Variants in NAV2 observed in about 807,000 individuals in gnomAD.
The protein encoded by NAV2 is helicase, APC down-regulated 1.
Under a neutral mutation model 223.2 loss-of-function variants are expected in NAV2, and 54 were observed. The ratio of observed to expected loss-of-function variants is 0.24; its 90% confidence interval spans 0.19 to 0.30. The LOEUF is 0.30. Ranked by LOEUF, NAV2 falls within the 10% of genes least tolerant of loss-of-function variation. The pLI, the probability that NAV2 is intolerant of heterozygous loss-of-function variation, is 1.00. For missense variants in NAV2, 2,806 were observed against 3,147.5 expected (o/e 0.89, Z 2.60); for synonymous variants, 1,279 against 1,239.3 (o/e 1.03, Z -0.67).
rs190119401 is a variant in NAV2, at chr11:19,641,337, T to G, written c.76-191147T>G. On this transcript the variant is annotated intron_variant, in intron 1 of 37. Coordinates refer to the NAV2 transcript ENST00000360655. ...TCATGTCTGCCTACGAAATAAGTCT[T>G]CAACCTATCCATATCCCTCCCCCTC... Among the ~76,000 whole-genome samples, 64 of 152,210 alleles carry G rather than the reference T, an allele frequency of 4.2e-4. 1 individual carries two copies. Among genetic ancestry groups the G allele is most frequent in the Middle Eastern group, 6.8e-3 (2 of 294 alleles).
At chr11:19,405,064 T>C (rs1849836995) in intron 1 of NAV2, among the ~76,000 whole-genome samples, 2 of 152,116 alleles carry the variant, frequency 1.3e-5, no homozygotes, top group Admixed American at 1.3e-4. Context: ...TTGTCCCTGG[T>C]CCGTGGAAGA....
intron 3 of NAV2, among the ~76,000 whole-genome samples, chr11:19,857,233 C>G (rs1187834108): frequency 6.6e-6 from 1 of 152,188 alleles, no homozygotes; most frequent in East Asian, 1.9e-4. Flanking sequence ...TCTGCTACCT[C>G]TTGAAGATTC....
intron 10 of NAV2, among the ~76,000 whole-genome samples, chr11:19,962,818 A>G (rs944847846): frequency 4.6e-5 from 7 of 152,206 alleles, no homozygotes; most frequent in African/African-American, 1.7e-4. Flanking sequence ...AGAGCCTTCT[A>G]CCTATAAATC....
chr11:20,082,743 A>AG, intron 25 of NAV2: 3 of 951,596 alleles, frequency 3.2e-6, no homozygotes, highest in Non-Finnish European at 5.0e-6. Flanking sequence ...CTGCTGAGCC[A>AG]GACTCTGTGT....
chr11:19,687,781 A>G (rs4757839), intron 1 of NAV2, among the ~76,000 whole-genome samples: 1,219 of 8,140 alleles, frequency 0.15, 17 homozygotes, highest in East Asian at 0.45. Context: ...GTGTGTATGC[A>G]TGCGTGTGTG....
intron 1 of NAV2, among the ~76,000 whole-genome samples, chr11:19,679,405 T>G (rs1190596707): frequency 1.1e-5 from 1 of 92,102 alleles, no homozygotes; most frequent in East Asian, 4.1e-4. Context: ...CACTCCAGCC[T>G]GGGCAACAGA....
intron 20 of NAV2, among the ~76,000 whole-genome samples, chr11:20,066,925 G>T (rs1176415660): frequency 2.6e-5 from 4 of 152,286 alleles, no homozygotes; most frequent in South Asian, 2.1e-4. Context: ...AAGGAGGAGG[G>T]TTCCTCTTTA....
At chr11:19,479,035 T>C (rs2042204272) in intron 1 of NAV2, among the ~76,000 whole-genome samples, 1 of 152,088 alleles carries the variant, frequency 6.6e-6, no homozygotes, top group Non-Finnish European at 1.5e-5. Context: ...GATATTTTCA[T>C]GGGGTTGCCC....
At chr11:19,621,426 T>C (rs960021084) in intron 1 of NAV2, among the ~76,000 whole-genome samples, 2 of 152,232 alleles carry the variant, frequency 1.3e-5, no homozygotes, top group South Asian at 4.1e-4. Context: ...ATTGCCTCAA[T>C]TTCGGAGCCT....
Position 19,915,704 on chromosome 11 carries a change from C to T in NAV2, c.932-17472C>T, listed in dbSNP as rs554377264. 1.1e-4 allele frequency among the ~76,000 whole-genome samples: 17 copies of T among 152,320 alleles called. No individual in the cohort carries two copies. In the East Asian group the frequency reaches 3.3e-3, roughly 29 times the overall value. On this transcript the variant is annotated intron_variant, in intron 6 of 37. Coordinates refer to ENST00000349880, the MANE Select transcript of NAV2 (RefSeq NM_145117.5). ...AGCCCTTTCTCTGAGTTCTCCTGCA[C>T]CCTATTCTCCTCTCTAGTTGTCCTC... is the stretch of plus-strand genomic sequence containing the variant.
At chr11:19,638,401 G>A (rs990033694) in intron 1 of NAV2, among the ~76,000 whole-genome samples, 2 of 152,220 alleles carry the variant, frequency 1.3e-5, no homozygotes, top group Admixed American at 1.3e-4. Context: ...AAGCAATAAT[G>A]TGAAGGAGTA....
At chr11:20,106,184 T>TGTGTGTATATATATATAC in intron 35 of NAV2, among the ~76,000 whole-genome samples, 1 of 24,494 alleles carries the variant, frequency 4.1e-5, no homozygotes, top group East Asian at 2.3e-3. Flanking sequence ...TATGTGTGTG[T>TGTGTGTATATATATATAC]ATATATATAT....
At chr11:19,448,149 A>C in intron 1 of NAV2, among the ~76,000 whole-genome samples, 1 of 150,042 alleles carries the variant, frequency 6.7e-6, no homozygotes. Context: ...CTGTGCCCCT[A>C]CCCCACCCCC....
chr11:20,012,552 G>A (rs564400449), intron 11 of NAV2, among the ~76,000 whole-genome samples: 3 of 152,176 alleles, frequency 2.0e-5, no homozygotes, highest in East Asian at 3.9e-4. Flanking sequence ...GCACACGCCT[G>A]TAATCCTAGC....
In NAV2 at chr11:20,014,330, C is replaced by T. The variant is rs185616673; in HGVS notation, c.2769-21629C>T. On this transcript the variant is annotated intron_variant, in intron 11 of 37. Transcript: ENST00000349880. ...AACATTTTCTTCATTCCCCATCCATCTTAATAGAGATAACAGTGCAGCTGC... is the reference window on the plus strand; with the variant it reads ...AACATTTTCTTCATTCCCCATCCATTTTAATAGAGATAACAGTGCAGCTGC... 1.3e-3 allele frequency among the ~76,000 whole-genome samples: 204 copies of T among 152,316 alleles called. 1 individual carries two copies. Among genetic ancestry groups the T allele is most frequent in the Admixed American group, 2.7e-3 (42 of 15,296 alleles).
At chr11:19,966,862 T>C (rs1648713164) in intron 10 of NAV2, among the ~76,000 whole-genome samples, 1 of 152,134 alleles carries the variant, frequency 6.6e-6, no homozygotes, top group African/African-American at 2.4e-5. Context: ...TTTTACTCTC[T>C]CACGTTTCCA....
chr11:19,478,817 G>A (rs549602185), intron 1 of NAV2, among the ~76,000 whole-genome samples: 2 of 152,298 alleles, frequency 1.3e-5, no homozygotes, highest in African/African-American at 4.8e-5. Flanking sequence ...CCCTTCACTT[G>A]TCAGGTGAAA....
chr11:19,770,775 A>G (rs1377581997), intron 1 of NAV2, among the ~76,000 whole-genome samples: 1 of 152,186 alleles, frequency 6.6e-6, no homozygotes, highest in African/African-American at 2.4e-5. Flanking sequence ...TGAGGGCTAT[A>G]GAGAGAAATG....
intron 1 of NAV2, among the ~76,000 whole-genome samples, chr11:19,600,798 G>A (rs2135238835): frequency 6.6e-6 from 1 of 152,320 alleles, no homozygotes; most frequent in East Asian, 1.9e-4. Flanking sequence ...ACTAGCTGGT[G>A]TTATCCTACA....
Sources: allele counts gnomAD v4.1 joint callset (sites outside exome capture counted in the v4.1 genomes callset), GRCh38; gene constraint gnomAD v4.1.1; transcripts MANE v1.5; gene names NCBI Gene and HGNC (gene_info 2026-07-23, HGNC 2026-07-21).